HHIP: variants seen among roughly 807,000 people sequenced by gnomAD.
HHIP encodes hedgehog interacting protein.
In HHIP, 12 loss-of-function variants were observed where a neutral mutation model predicts 74.0. The ratio of observed to expected loss-of-function variants is 0.16; its 90% CI spans 0.10 to 0.26. The LOEUF is 0.26. Among genes scored for constraint, HHIP ranks in the 10% least tolerant of loss-of-function variants. The pLI is 1.00. For synonymous variants in HHIP, 309 were observed against 311.6 expected (o/e 0.99, Z 0.09); for missense variants, 788 against 845.0 (o/e 0.93, Z 0.84).
chr4:144,722,801 C>G (rs1471463176), intron 11 of HHIP, among the ~76,000 whole-genome samples: 1 of 152,034 alleles, frequency 6.6e-6, no homozygotes, highest in Non-Finnish European at 1.5e-5. Flanking sequence ...TTGCAGTGAG[C>G]TGAGATCACA....
chr4:144,657,441 A>T (rs1039780489), intron 2 of HHIP, among the ~76,000 whole-genome samples: 1 of 152,092 alleles, frequency 6.6e-6, no homozygotes, highest in Admixed American at 6.5e-5. Context: ...AAAAATAAAA[A>T]CTTTAGATAT....
At chr4:144,719,847 A>T (rs532120672) in intron 11 of HHIP, among the ~76,000 whole-genome samples, 24 of 152,342 alleles carry the variant, frequency 1.6e-4, no homozygotes, top group Admixed American at 4.6e-4. Flanking sequence ...TCAAATTACA[A>T]TTCAAGTCTT....
intron 11 of HHIP, among the ~76,000 whole-genome samples, chr4:144,725,853 AGAG>A (rs1730788392): frequency 1.3e-5 from 2 of 152,002 alleles, no homozygotes; most frequent in Non-Finnish European, 2.9e-5. Context: ...TATTTTTTGT[AGAG>A]ACGGGGGTTT....
intron 4 of HHIP, among the ~76,000 whole-genome samples, chr4:144,693,200 TG>T (rs1303497987): frequency 3.9e-5 from 6 of 152,062 alleles, no homozygotes; most frequent in Admixed American, 2.6e-4. Context: ...ATAGTGATTC[TG>T]GGAATTGGAA....
intron 4 of HHIP, among the ~76,000 whole-genome samples, chr4:144,668,832 A>T (rs1347903281): frequency 6.6e-6 from 1 of 152,072 alleles, no homozygotes; most frequent in African/African-American, 2.4e-5. Context: ...GCTACAGTAG[A>T]CCCTCTTTCT....
chr4:144,674,705 C>A (rs966462712), intron 4 of HHIP, among the ~76,000 whole-genome samples: 2 of 152,024 alleles, frequency 1.3e-5, no homozygotes, highest in Non-Finnish European at 2.9e-5. Context: ...AGTCTGAAAC[C>A]ACCACACACA....
intron 4 of HHIP, among the ~76,000 whole-genome samples, chr4:144,673,302 T>C (rs1729090488): frequency 6.6e-6 from 1 of 152,244 alleles, no homozygotes; most frequent in Non-Finnish European, 1.5e-5. Context: ...GTTTCCAAAA[T>C]TTATACCTTC....
intron 4 of HHIP, among the ~76,000 whole-genome samples, chr4:144,693,519 T>C (rs998517498): frequency 6.6e-6 from 1 of 152,114 alleles, no homozygotes; most frequent in Non-Finnish European, 1.5e-5. Context: ...GACACTGTCC[T>C]CCTTAAAATA....
At chr4:144,682,319 G>A (rs1321756403) in intron 4 of HHIP, among the ~76,000 whole-genome samples, 2 of 152,220 alleles carry the variant, frequency 1.3e-5, no homozygotes, top group Non-Finnish European at 2.9e-5. Flanking sequence ...GGTTGTTCAG[G>A]TGCTCTTAAC....
At chr4:144,659,188 T>C (rs548387964) in intron 3 of HHIP, among the ~76,000 whole-genome samples, 1 of 152,376 alleles carries the variant, frequency 6.6e-6, no homozygotes, top group East Asian at 1.9e-4. Context: ...TTTATGGGTA[T>C]AGTTTTAAGC....
At chr4:144,710,070 T>A (rs189391331) in intron 7 of HHIP, among the ~76,000 whole-genome samples, 3 of 152,270 alleles carry the variant, frequency 2.0e-5, no homozygotes, top group African/African-American at 7.2e-5. Flanking sequence ...AGGGCCCTTT[T>A]TCACATGAGA....
intron 4 of HHIP, among the ~76,000 whole-genome samples, chr4:144,670,365 G>A (rs1728999519): frequency 6.7e-6 from 1 of 149,860 alleles, no homozygotes; most frequent in Non-Finnish European, 1.5e-5. Flanking sequence ...GGAGGTTGAG[G>A]CAGTAGAATC....
intron 10 of HHIP, among the ~76,000 whole-genome samples, chr4:144,717,923 T>C (rs569897215): frequency 2.0e-5 from 3 of 152,312 alleles, no homozygotes; most frequent in Non-Finnish European, 2.9e-5. Context: ...GTATCAATCT[T>C]GCACAGAAAT....
chr4:144,676,814 T>C (rs544067353), intron 4 of HHIP, among the ~76,000 whole-genome samples: 46 of 152,302 alleles, frequency 3.0e-4, no homozygotes, highest in African/African-American at 9.9e-4. Flanking sequence ...ACCTGATGTA[T>C]GCCGTAAGGA....
In HHIP at chr4:144,658,788, A is replaced by C. The variant is rs2126587333; in HGVS notation, c.473-2A>C. On this transcript the variant is annotated splice_acceptor_variant, in intron 2 of 12. Transcript: ENST00000296575. LOFTEE classifies it high-confidence loss of function. ...TAATGAGTCTTTTTATATTTTTTAA[A>C]GGTTTCCTTCAAACAACTGCGGATG... 6.2e-7 allele frequency: 1 copy of C among 1,608,568 alleles called. No individual in the cohort carries two copies. Among genetic ancestry groups the C allele is most frequent in the East Asian group, 2.2e-5 (1 of 44,808 alleles).
intron 2 of HHIP, among the ~76,000 whole-genome samples, chr4:144,656,708 T>C (rs1018174825): frequency 6.6e-6 from 1 of 152,196 alleles, no homozygotes; most frequent in East Asian, 1.9e-4. Flanking sequence ...GCATGCATAA[T>C]ATAGGCATGG....
chr4:144,692,852 A>G (rs1198235277), intron 4 of HHIP, among the ~76,000 whole-genome samples: 3 of 151,016 alleles, frequency 2.0e-5, no homozygotes, highest in African/African-American at 7.3e-5. Context: ...CGAGACACAG[A>G]GAGGCTAAGG....
chr4:144,742,027 G>A lies in HHIP; in HGVS notation c.*4070G>A, dbSNP rs1731273517. On this transcript the variant is annotated 3_prime_UTR_variant, in exon 13 of 13. Coordinates refer to ENST00000296575, the MANE Select transcript of HHIP (RefSeq NM_022475.3). Reference sequence around the variant, plus strand: ...TCTCGCTCTCTCGGCTAATATATATGTGTATGTGTATATATATATGTATGT... The same window carrying A: ...TCTCGCTCTCTCGGCTAATATATATATGTATGTGTATATATATATGTATGT... 1 of 55,334 alleles carries A rather than the reference G, an allele frequency of 1.8e-5. No individual in the cohort carries two copies. The highest frequency in any genetic ancestry group is 6.7e-5 in the African/African-American group (1 of 14,968). The allele number at this position is 55,334 out of a possible 1,614,324, so 3.4% of individuals were successfully genotyped here.
intron 11 of HHIP, among the ~76,000 whole-genome samples, chr4:144,727,088 G>A (rs1730826611): frequency 6.6e-6 from 1 of 152,266 alleles, no homozygotes; most frequent in African/African-American, 2.4e-5. Flanking sequence ...GTCAGCTGAG[G>A]TTGTTATAAC....
Sources: gnomAD v4.1 joint callset for allele counts (sites outside exome capture counted in the v4.1 genomes callset) on GRCh38, gnomAD v4.1.1 for gene constraint, MANE v1.5 for transcripts, NCBI Gene and HGNC (gene_info 2026-07-23, HGNC 2026-07-21) for gene names.